The following CNTN5 variants were observed in gnomAD, a reference collection of about 807,000 sequenced individuals.
CNTN5 encodes the protein contactin 5, also known as contactin-5.
A neutral mutation model predicts 129.1 loss-of-function variants in CNTN5; 77 were observed. That is an observed-to-expected ratio of 0.60 (90% CI 0.50 to 0.72). CNTN5 has a LOEUF of 0.72. CNTN5 is among the 30% of genes least tolerant of loss of function. The pLI, the probability that CNTN5 is intolerant of heterozygous loss-of-function variation, is 0.00. For synonymous variants in CNTN5, 509 were observed against 465.6 expected (o/e 1.09, Z -1.20); for missense variants, 1,478 against 1,328.8 (o/e 1.11, Z -1.75).
chr11:100,013,694 T>C (rs1189944762), intron 9 of CNTN5, among the ~76,000 whole-genome samples: 1 of 152,190 alleles, frequency 6.6e-6, no homozygotes, highest in Non-Finnish European at 1.5e-5. Context: ...ATCATCATCA[T>C]CCACAAATTC....
chr11:99,310,128 T>C (rs913682199), intron 1 of CNTN5, among the ~76,000 whole-genome samples: 1 of 152,174 alleles, frequency 6.6e-6, no homozygotes, highest in African/African-American at 2.4e-5. Context: ...ATGTGCAATT[T>C]AGTGTATGCC....
At chr11:99,300,601 A>G (rs1255776953) in intron 1 of CNTN5, among the ~76,000 whole-genome samples, 4 of 152,026 alleles carry the variant, frequency 2.6e-5, no homozygotes, top group African/African-American at 9.7e-5. Flanking sequence ...AAGAAAGACT[A>G]TCGATCAAAA....
intron 1 of CNTN5, among the ~76,000 whole-genome samples, chr11:99,071,889 T>C (rs546348167): frequency 6.6e-6 from 1 of 152,074 alleles, no homozygotes; most frequent in Non-Finnish European, 1.5e-5. Flanking sequence ...TCAAAAACCT[T>C]CCCATAAGAA....
intron 11 of CNTN5, among the ~76,000 whole-genome samples, chr11:100,071,248 C>A (rs1245338290): frequency 6.6e-6 from 1 of 152,044 alleles, no homozygotes; most frequent in South Asian, 2.1e-4. Flanking sequence ...ATGGCAAACT[C>A]CTGATTGGAT....
intron 1 of CNTN5, among the ~76,000 whole-genome samples, chr11:99,133,884 T>G (rs1243635250): frequency 6.6e-6 from 1 of 152,222 alleles, no homozygotes; most frequent in East Asian, 1.9e-4. Context: ...AAATACCATT[T>G]GACCCAGCAA....
chr11:99,035,876 T>C (rs1863697057), intron 1 of CNTN5, among the ~76,000 whole-genome samples: 1 of 151,928 alleles, frequency 6.6e-6, no homozygotes, highest in African/African-American at 2.4e-5. Context: ...CGATGGTCTT[T>C]ACATTTTGGC....
At chr11:99,084,954 G>A (rs953866179) in intron 1 of CNTN5, among the ~76,000 whole-genome samples, 6 of 152,114 alleles carry the variant, frequency 3.9e-5, no homozygotes, top group African/African-American at 1.4e-4. Flanking sequence ...TAATCAAATA[G>A]GATTATAATT....
At chr11:100,101,698 A>C (rs750662832) in intron 13 of CNTN5, among the ~76,000 whole-genome samples, 1 of 151,976 alleles carries the variant, frequency 6.6e-6, no homozygotes, top group Non-Finnish European at 1.5e-5. Flanking sequence ...AGTATACTAT[A>C]CCCAATATGT....
At chr11:99,242,639 C>A (rs1290364404) in intron 1 of CNTN5, among the ~76,000 whole-genome samples, 1 of 152,078 alleles carries the variant, frequency 6.6e-6, no homozygotes, top group African/African-American at 2.4e-5. Context: ...TCCTCTTTTC[C>A]TCCCAACTCT....
At chr11:99,186,538 TTTAATTCAAATTGAG>T (rs1858360147) in intron 1 of CNTN5, among the ~76,000 whole-genome samples, 1 of 152,038 alleles carries the variant, frequency 6.6e-6, no homozygotes, top group African/African-American at 2.4e-5. Context: ...AGTTTTTTAT[TTTAATTCAAATTGAG>T]TTTTTGCCAA....
In CNTN5 at chr11:99,577,091, G is replaced by T. The variant is rs561310285; in HGVS notation, c.55+20822G>T. Among the ~76,000 whole-genome samples the T allele has an allele frequency of 1.1e-4, 17 of 152,182 alleles. No individual in the cohort carries two copies. In the East Asian group the frequency reaches 2.7e-3, roughly 24 times the overall value. On this transcript the variant is annotated intron_variant, in intron 3 of 24. Coordinates refer to ENST00000524871, the MANE Select transcript of CNTN5 (RefSeq NM_014361.4). ...TAGAGGTCTTTATTGGACTTTTTGT[G>T]GCACAATTGTTAAATAATTCACACC...
At chr11:100,013,307 C>T (rs1199403669) in intron 9 of CNTN5, among the ~76,000 whole-genome samples, 3 of 152,052 alleles carry the variant, frequency 2.0e-5, no homozygotes, top group Non-Finnish European at 4.4e-5. Flanking sequence ...AGCCATGTAA[C>T]CAAACTGCAC....
At chr11:99,644,315 C>A (rs1357038105) in intron 3 of CNTN5, among the ~76,000 whole-genome samples, 1 of 152,168 alleles carries the variant, frequency 6.6e-6, no homozygotes, top group Non-Finnish European at 1.5e-5. Context: ...ACTGCTACCT[C>A]ACAATTGGCA....
At chr11:99,299,222 C>G (rs964924610) in intron 1 of CNTN5, among the ~76,000 whole-genome samples, 3 of 151,984 alleles carry the variant, frequency 2.0e-5, no homozygotes, top group South Asian at 4.1e-4. Context: ...ATTGGTCTTA[C>G]TAGACAAAAG....
At chr11:99,534,119 C>T (rs1431879872) in intron 2 of CNTN5, among the ~76,000 whole-genome samples, 1 of 152,236 alleles carries the variant, frequency 6.6e-6, no homozygotes, top group African/African-American at 2.4e-5. Context: ...CTCTACTTCA[C>T]ACCTTTAACC....
At chr11:100,338,357 A>G (rs1228655507) in intron 21 of CNTN5, among the ~76,000 whole-genome samples, 1 of 152,168 alleles carries the variant, frequency 6.6e-6, no homozygotes, top group Non-Finnish European at 1.5e-5. Flanking sequence ...CCAAATTCCA[A>G]TTAAACTTCT....
intron 2 of CNTN5, among the ~76,000 whole-genome samples, chr11:99,459,514 A>G (rs1455766889): frequency 6.6e-6 from 1 of 152,062 alleles, no homozygotes; most frequent in Non-Finnish European, 1.5e-5. Flanking sequence ...AAGTGAGTAT[A>G]TCTTTAACTG....
chr11:99,072,758 G>T (rs748091085), intron 1 of CNTN5, among the ~76,000 whole-genome samples: 3 of 151,972 alleles, frequency 2.0e-5, no homozygotes, highest in African/African-American at 7.2e-5. Flanking sequence ...AGAAAAGTGC[G>T]CAAATCTTAA....
chr11:99,479,969 GA>G (rs1337351774), intron 2 of CNTN5, among the ~76,000 whole-genome samples: 1 of 150,796 alleles, frequency 6.6e-6, no homozygotes, highest in East Asian at 1.9e-4. Flanking sequence ...TAAAAAGAAA[GA>G]AAAAAAGCTA....
Sources: gnomAD v4.1 joint callset for allele counts (sites outside exome capture counted in the v4.1 genomes callset) on GRCh38, gnomAD v4.1.1 for gene constraint, MANE v1.5 for transcripts, NCBI Gene and HGNC (gene_info 2026-07-23, HGNC 2026-07-21) for gene names.